The following PHC2 variants were observed in gnomAD, a reference collection of about 807,000 sequenced individuals.
The protein encoded by PHC2 is polyhomeotic-like protein 2.
In PHC2, 29 loss-of-function variants were observed where a neutral mutation model predicts 87.4. That is an observed-to-expected ratio of 0.33 (90% CI 0.25 to 0.45). The LOEUF is 0.45. Among genes scored for constraint, PHC2 ranks in the 20% least tolerant of loss-of-function variants. The pLI, the probability that PHC2 is intolerant of heterozygous loss-of-function variation, is 1.00. For synonymous variants in PHC2, 438 were observed against 461.7 expected (o/e 0.95, Z 0.66); for missense variants, 857 against 1,136.7 (o/e 0.75, Z 3.54).
intron 7 of PHC2, among the ~76,000 whole-genome samples, chr1:33,358,035 T>C (rs1647126161): frequency 6.6e-6 from 1 of 152,198 alleles, no homozygotes; most frequent in Non-Finnish European, 1.5e-5. Flanking sequence ...CTTCAGAGTT[T>C]AATCTGTGAA....
chr1:33,423,901 AC>A (rs1283734087), intron 1 of PHC2, among the ~76,000 whole-genome samples: 1 of 152,128 alleles, frequency 6.6e-6, no homozygotes, highest in East Asian at 1.9e-4. Flanking sequence ...GTTCAACACC[AC>A]CCTGGACAAC....
intron 1 of PHC2, among the ~76,000 whole-genome samples, chr1:33,397,404 A>T (rs907134119): frequency 6.6e-6 from 1 of 152,232 alleles, no homozygotes; most frequent in African/African-American, 2.4e-5. Context: ...GAGCATTGCA[A>T]CAAGATCCTC....
chr1:33,361,193 C>G (rs1208263786), intron 7 of PHC2, among the ~76,000 whole-genome samples: 1 of 152,166 alleles, frequency 6.6e-6, no homozygotes, highest in Non-Finnish European at 1.5e-5. Context: ...CACGAGCAGT[C>G]AGGTGCAGTG....
At chr1:33,397,254 C>G (rs1649333356) in intron 1 of PHC2, among the ~76,000 whole-genome samples, 1 of 152,194 alleles carries the variant, frequency 6.6e-6, no homozygotes, top group Non-Finnish European at 1.5e-5. Flanking sequence ...GGGAGCTGCT[C>G]AGCTCTGAAG....
chr1:33,346,033 C>T, intron 9 of PHC2: 2 of 985,256 alleles, frequency 2.0e-6, no homozygotes, highest in Non-Finnish European at 2.4e-6. Flanking sequence ...TAAACCATGC[C>T]CTAAAAACAT....
intron 1 of PHC2, among the ~76,000 whole-genome samples, chr1:33,383,933 A>G (rs987171877): frequency 1.2e-4 from 19 of 152,106 alleles, no homozygotes; most frequent in African/African-American, 4.1e-4. Context: ...CGACACCTGG[A>G]TTTCATACTT....
intron 9 of PHC2, among the ~76,000 whole-genome samples, chr1:33,338,306 G>A (rs375685419): frequency 2.0e-5 from 3 of 152,336 alleles, no homozygotes; most frequent in East Asian, 3.8e-4. Context: ...AAAAGATCTT[G>A]TTAAGAGAGA....
chr1:33,366,389 T>G (rs982406599), intron 7 of PHC2, among the ~76,000 whole-genome samples: 16 of 152,200 alleles, frequency 1.1e-4, no homozygotes, highest in African/African-American at 3.9e-4. Flanking sequence ...AGGGAGAGTT[T>G]TAGTAGGCAG....
intron 9 of PHC2, chr1:33,345,765 G>A (rs1646833918): frequency 2.0e-6 from 2 of 985,132 alleles, no homozygotes; most frequent in South Asian, 9.4e-5. Flanking sequence ...GCAAATGGTT[G>A]ATTATTTTCC....
intron 1 of PHC2, among the ~76,000 whole-genome samples, chr1:33,418,502 C>A (rs979487759): frequency 6.6e-6 from 1 of 152,164 alleles, no homozygotes; most frequent in Middle Eastern, 3.4e-3. Flanking sequence ...GTGAAATGGA[C>A]AAATTCTTTG....
In PHC2 at chr1:33,367,197, T is replaced by C; in HGVS notation, c.895A>G (p.Ser299Gly). The C allele has an allele frequency of 6.2e-7, 1 of 1,614,154 alleles. No individual in the cohort carries two copies. The highest frequency in any genetic ancestry group is 1.1e-5 in the South Asian group (1 of 91,080). The change falls in exon 7 of 15, where the codon AGT (serine) becomes GGT (glycine). Residue 299 changes from serine (S) to glycine (G), a missense_variant. Coordinates refer to ENST00000683057, the MANE Select transcript of PHC2 (RefSeq NM_001385109.1). ...CGGCCTTCCATGCTCCCTGGCACAC[T>C]GCTGTTGCCATCTCCTTTCTTGTGT... is the stretch of plus-strand genomic sequence containing the variant. ...EPHKKGDGNS[S>G]VPGSMEGRAG...
chr1:33,349,392 G>C lies in PHC2; in HGVS notation c.1558+5009C>G. 1 of 985,408 alleles carries C rather than the reference G, an allele frequency of 1.0e-6. No homozygotes were observed. 61.0% of individuals were successfully genotyped at this position (985,408 alleles called of 1,614,324 possible). ...GTGACACGGCTTCCAGGGGCGACGG[G>C]CGCGCAGGGTCCCCAGGCGAGCGAG... On this transcript the variant is annotated intron_variant, in intron 9 of 14. Coordinates refer to ENST00000683057, the MANE Select transcript of PHC2 (RefSeq NM_001385109.1). The surrounding 1 kb of genome is among the most constrained non-coding windows in gnomAD (Gnocchi z 4.2).
rs562248294 is a variant in PHC2, at chr1:33,371,391, C to T, written c.334-297G>A. Among the ~76,000 whole-genome samples, 23 of 152,264 alleles carry T rather than the reference C, an allele frequency of 1.5e-4. No homozygotes were observed. The East Asian group carries it at 4.4e-3, about 29-fold the overall frequency. On this transcript the variant is annotated intron_variant, in intron 3 of 14. Coordinates refer to ENST00000683057, the MANE Select transcript of PHC2 (RefSeq NM_001385109.1). ...CTTCGGTGTGTGGAGCCCTCCACTC[C>T]ACCACTATCACACCCGGCCACCACC...
At chr1:33,342,829 C>T (rs1460536293) in intron 9 of PHC2, among the ~76,000 whole-genome samples, 2 of 152,178 alleles carry the variant, frequency 1.3e-5, no homozygotes, top group Admixed American at 6.5e-5. Flanking sequence ...AGTGCTCCGG[C>T]CCATGCTATG....
chr1:33,362,560 C>T (rs1010299637), intron 7 of PHC2, among the ~76,000 whole-genome samples: 1 of 152,130 alleles, frequency 6.6e-6, no homozygotes, highest in Non-Finnish European at 1.5e-5. Context: ...AAGGTATGAA[C>T]TGACAAACTC....
At chr1:33,362,335 G>A (rs148142768) in intron 7 of PHC2, among the ~76,000 whole-genome samples, 96 of 152,274 alleles carry the variant, frequency 6.3e-4, no homozygotes, top group Non-Finnish European at 8.8e-4. Flanking sequence ...GGAGGACCTC[G>A]CAATTGTGGA....
chr1:33,389,318 G>A (rs1648933772), intron 1 of PHC2, among the ~76,000 whole-genome samples: 1 of 152,126 alleles, frequency 6.6e-6, no homozygotes, highest in African/African-American at 2.4e-5. Flanking sequence ...ATTCTTCTTG[G>A]GGATATTGTT....
At chr1:33,353,717 G>A (rs1034978571) in intron 9 of PHC2, among the ~76,000 whole-genome samples, 45 of 152,304 alleles carry the variant, frequency 3.0e-4, no homozygotes, top group African/African-American at 1.0e-3. Flanking sequence ...GGCTCAGAAT[G>A]TCACTGAGAT....
chr1:33,349,040 A>T lies in PHC2; in HGVS notation c.1558+5361T>A. The T allele has an allele frequency of 1.0e-6, 1 of 979,252 alleles. No homozygotes were observed. Among genetic ancestry groups the T allele is most frequent in the Non-Finnish European group, 1.2e-6 (1 of 824,292 alleles). The allele number at this position is 979,252 out of a possible 1,614,324, so 60.7% of individuals were successfully genotyped here. A position where few individuals can be genotyped will look rare whatever the true frequency, so the allele number is the denominator to read the frequency against. ...CCCGATTTTAATGTAAAGAAGCAAC[A>T]AATATAGTCTACCTTCATTTGGCAT... On this transcript the variant is annotated intron_variant, in intron 9 of 14. Coordinates refer to ENST00000683057, the MANE Select transcript of PHC2 (RefSeq NM_001385109.1). This position sits in a 1 kb window ranked among gnomAD's most constrained non-coding sequence, Gnocchi z 4.2.
Sources: allele counts gnomAD v4.1 joint callset (sites outside exome capture counted in the v4.1 genomes callset), GRCh38; gene constraint gnomAD v4.1.1; non-coding constraint Gnocchi (gnomAD v3.1); transcripts MANE v1.5; gene names NCBI Gene and HGNC (gene_info 2026-07-23, HGNC 2026-07-21).